The following SYN3 variants were observed in gnomAD, a reference collection of about 807,000 sequenced individuals.
The protein encoded by SYN3 is synapsin III.
Under a neutral mutation model 65.8 loss-of-function variants are expected in SYN3, and 35 were observed. The ratio of observed to expected loss-of-function variants is 0.53; its 90% CI spans 0.41 to 0.70. SYN3 has a LOEUF of 0.70. Among genes scored for constraint, SYN3 ranks in the 30% least tolerant of loss-of-function variants. SYN3 has a pLI of 0.00. For missense variants in SYN3, 680 were observed against 749.0 expected (o/e 0.91, Z 1.08); for synonymous variants, 270 against 292.9 (o/e 0.92, Z 0.80).
chr22:32,644,753 C>T (rs995221381), intron 6 of SYN3, among the ~76,000 whole-genome samples: 1 of 152,170 alleles, frequency 6.6e-6, no homozygotes, highest in Non-Finnish European at 1.5e-5. Flanking sequence ...AGAGCAGCAG[C>T]GGCCTCTATC....
chr22:32,998,796 A>AAAAAAAAAAAAAAAAC (rs1556121826), intron 2 of SYN3, among the ~76,000 whole-genome samples: 1 of 150,942 alleles, frequency 6.6e-6, no homozygotes, highest in African/African-American at 2.4e-5. Context: ...AAAAAAAAAA[A>AAAAAAAAAAAAAAAAC]AAACAAAAGT....
chr22:32,980,800 A>T, intron 2 of SYN3, 98 bp from the exon 3 acceptor site: 1 of 1,036,380 alleles, frequency 9.6e-7, no homozygotes, highest in South Asian at 1.3e-5. Context: ...ATATTGAGAC[A>T]CATCCTCAGC....
At chr22:32,864,152 T>C (rs1219888154) in intron 6 of SYN3, among the ~76,000 whole-genome samples, 1 of 152,228 alleles carries the variant, frequency 6.6e-6, no homozygotes, top group East Asian at 1.9e-4. Flanking sequence ...GACTATGGTA[T>C]ACTCTATTCA....
At chr22:32,841,923 G>A (rs978296422) in intron 6 of SYN3, among the ~76,000 whole-genome samples, 27 of 152,154 alleles carry the variant, frequency 1.8e-4, no homozygotes, top group Admixed American at 2.6e-4. Flanking sequence ...TGTCAGTTGT[G>A]CAGATGGTGC....
intron 6 of SYN3, among the ~76,000 whole-genome samples, chr22:32,817,061 T>TA (rs1569247404): frequency 5.3e-4 from 15 of 28,228 alleles, no homozygotes; most frequent in African/African-American, 1.4e-3. Context: ...CTCTACTAAT[T>TA]TAAAAAAAAA....
At position 32,989,486 on chromosome 22, in the gene SYN3, C is replaced by A. The variant is rs191036304; in HGVS notation, c.312-8784G>T. 2.6e-3 allele frequency among the ~76,000 whole-genome samples: 403 copies of A among 152,234 alleles called. 2 individuals are homozygous for A. The highest frequency in any genetic ancestry group is 9.3e-3 in the African/African-American group (388 of 41,544). On this transcript the variant is annotated intron_variant, in intron 2 of 13. Transcript: ENST00000358763. ...TGGTGTCGAGCATGATGGAGACCTT[C>A]CCTGTCTAATCCCTGGGAACTCCCT...
chr22:32,603,253 C>A (rs574435553), intron 6 of SYN3, among the ~76,000 whole-genome samples: 8 of 151,722 alleles, frequency 5.3e-5, no homozygotes, highest in Non-Finnish European at 1.5e-5. Flanking sequence ...TGGCTCATGC[C>A]TGTAATCCCA....
At chr22:32,735,167 T>A (rs764151618) in intron 6 of SYN3, among the ~76,000 whole-genome samples, 1 of 152,186 alleles carries the variant, frequency 6.6e-6, no homozygotes, top group Non-Finnish European at 1.5e-5. Context: ...AGGGGCAGGA[T>A]ACAAGGCTTT....
At chr22:32,632,117 A>G (rs1335002373) in intron 6 of SYN3, among the ~76,000 whole-genome samples, 2 of 152,212 alleles carry the variant, frequency 1.3e-5, no homozygotes, top group African/African-American at 2.4e-5. Flanking sequence ...TCATTGCTCA[A>G]TGCAGGGGTA....
intron 4 of SYN3, among the ~76,000 whole-genome samples, chr22:32,902,962 T>A (rs950115546): frequency 6.6e-6 from 1 of 152,000 alleles, no homozygotes; most frequent in East Asian, 1.9e-4. Context: ...CCAGTTTACA[T>A]GGCTAAAATG....
chr22:32,954,304 G>C (rs748609155), intron 3 of SYN3, among the ~76,000 whole-genome samples: 1 of 152,172 alleles, frequency 6.6e-6, no homozygotes, highest in Non-Finnish European at 1.5e-5. Flanking sequence ...GAACAGGATG[G>C]TGAGACCACC....
chr22:32,674,043 T>C (rs918233309), intron 6 of SYN3, among the ~76,000 whole-genome samples: 2 of 151,552 alleles, frequency 1.3e-5, no homozygotes, highest in African/African-American at 2.4e-5. Flanking sequence ...AGGCAAGAGA[T>C]GGCAAGGGTG....
chr22:32,875,776 A>G (rs1432315823), intron 4 of SYN3, among the ~76,000 whole-genome samples: 4 of 152,114 alleles, frequency 2.6e-5, no homozygotes, highest in African/African-American at 9.7e-5. Flanking sequence ...GCAAGGAAGG[A>G]TCCTCCCCTG....
chr22:33,012,076 T>A (rs2145827534), intron 1 of SYN3, among the ~76,000 whole-genome samples: 1 of 152,326 alleles, frequency 6.6e-6, no homozygotes, highest in East Asian at 1.9e-4. Context: ...TTCTCCTTAC[T>A]TTTGGTTTAA....
intron 3 of SYN3, among the ~76,000 whole-genome samples, chr22:32,938,424 G>C (rs571859961): frequency 6.6e-6 from 1 of 151,810 alleles, no homozygotes; most frequent in African/African-American, 2.4e-5. Flanking sequence ...CAGCTACTCG[G>C]GAGGCTGAGA....
intron 6 of SYN3, among the ~76,000 whole-genome samples, chr22:32,618,271 C>T (rs2059548084): frequency 6.6e-6 from 1 of 152,076 alleles, no homozygotes; most frequent in Admixed American, 6.5e-5. Flanking sequence ...GAAACTGATG[C>T]CTGAGTGGGG....
At chr22:32,748,695 G>C (rs2145638727) in intron 6 of SYN3, among the ~76,000 whole-genome samples, 1 of 152,342 alleles carries the variant, frequency 6.6e-6, no homozygotes, top group East Asian at 1.9e-4. Context: ...GGACAGCGCA[G>C]TTGTGGGGAG....
intron 6 of SYN3, among the ~76,000 whole-genome samples, chr22:32,701,739 A>AAAAAC (rs1221216790): frequency 5.3e-5 from 8 of 152,224 alleles, no homozygotes; most frequent in African/African-American, 1.4e-4. Context: ...TAAAGCACAG[A>AAAAAC]AAAACAAAAC....
At chr22:32,743,164 T>C (rs145848282) in intron 6 of SYN3, among the ~76,000 whole-genome samples, 10 of 152,192 alleles carry the variant, frequency 6.6e-5, no homozygotes, top group Non-Finnish European at 1.2e-4. Context: ...CCTGAGTGAG[T>C]ATAAATGTAT....
Sources: gnomAD v4.1 joint callset for allele counts (sites outside exome capture counted in the v4.1 genomes callset) on GRCh38, gnomAD v4.1.1 for gene constraint, MANE v1.5 for transcripts, NCBI Gene and HGNC (gene_info 2026-07-23, HGNC 2026-07-21) for gene names.